EPHB2: variants seen among roughly 807,000 people sequenced by gnomAD.
EPHB2 encodes the protein ephrin type-B receptor 2.
Under a neutral mutation model 96.4 loss-of-function variants are expected in EPHB2, and 18 were observed. That is an observed-to-expected ratio of 0.19 (90% CI 0.13 to 0.28). The LOEUF (loss-of-function observed/expected upper bound fraction) is 0.28, where lower values mean the gene tolerates loss of function less well. Ranked by LOEUF, EPHB2 falls within the 10% of genes least tolerant of loss-of-function variation. EPHB2 has a pLI of 1.00. For synonymous variants in EPHB2, 506 were observed against 534.1 expected (o/e 0.95, Z 0.72); for missense variants, 989 against 1,355.4 (o/e 0.73, Z 4.25).
rs957684961 is a variant in EPHB2 at position 22,896,603 on chromosome 1, G to A, written c.1765+125G>A. ...GGCAGACAATGTCAAGTGGTTGCCT[G>A]GTTGCACTAAGCTCACTCTCACCTC... On this transcript the variant is annotated intron_variant, in intron 9 of 15. Transcript: ENST00000374630. The A allele has an allele frequency of 3.1e-6, 4 of 1,307,444 alleles. No individual in the cohort carries two copies. The African/African-American group carries it at 4.3e-5, about 14-fold the overall frequency. 81.0% of individuals were successfully genotyped at this position (1,307,444 alleles called of 1,614,324 possible). A position where few individuals can be genotyped will look rare whatever the true frequency, so the allele number is the denominator to read the frequency against.
chr1:22,761,929 G>A (rs773067447), intron 1 of EPHB2, among the ~76,000 whole-genome samples: 62 of 152,356 alleles, frequency 4.1e-4, no homozygotes, highest in Non-Finnish European at 8.4e-4. Context: ...TGTCTGCTGC[G>A]CATCTCTGCC....
chr1:22,812,961 G>C lies in EPHB2; in HGVS notation c.811+27885G>C, dbSNP rs541070045. ...CCACAGGAGCCTAAATCTGTGTCTT[G>C]TATTTTTCTTCTGTCACCCACAAGC... On this transcript the variant is annotated intron_variant, in intron 3 of 15. Coordinates refer to ENST00000374630, the MANE Select transcript of EPHB2 (RefSeq NM_017449.5). Among the ~76,000 whole-genome samples the C allele has an allele frequency of 2.0e-5, 3 of 152,268 alleles. No homozygotes were observed. In the South Asian group the frequency reaches 6.2e-4, roughly 32 times the overall value.
chr1:22,717,845 G>A (rs1387141461), intron 1 of EPHB2, among the ~76,000 whole-genome samples: 1 of 152,148 alleles, frequency 6.6e-6, no homozygotes, highest in Non-Finnish European at 1.5e-5. Flanking sequence ...AAATGTGTGT[G>A]GAGTCAGACT....
At position 22,801,473 on chromosome 1, in the gene EPHB2, T is replaced by A. The variant is rs186691856; in HGVS notation, c.811+16397T>A. 6.6e-4 allele frequency among the ~76,000 whole-genome samples: 100 copies of A among 151,946 alleles called. 1 individual carries two copies. Among genetic ancestry groups the A allele is most frequent in the Middle Eastern group, 3.4e-3 (1 of 294 alleles). ...GCCCCAGAGAACTGCAAGGGCTTTG[T>A]CGAACTTCACCGAGAGCAGGTGGCA... On this transcript the variant is annotated intron_variant, in intron 3 of 15. Transcript: ENST00000374630.
intron 3 of EPHB2, among the ~76,000 whole-genome samples, chr1:22,859,172 C>T (rs1480390735): frequency 6.6e-6 from 1 of 151,852 alleles, no homozygotes; most frequent in Non-Finnish European, 1.5e-5. Context: ...CCAGGGGGCT[C>T]AGGGAAGACT....
intron 3 of EPHB2, among the ~76,000 whole-genome samples, chr1:22,819,558 C>T (rs900086744): frequency 6.6e-6 from 1 of 152,266 alleles, no homozygotes; most frequent in South Asian, 2.1e-4. Context: ...CCCAAGGGCA[C>T]TCAACCCCAG....
chr1:22,891,776 T>A lies in EPHB2; in HGVS notation c.1429-1108T>A, dbSNP rs547710153. On this transcript the variant is annotated intron_variant, in intron 6 of 15. Transcript: ENST00000374630. ...AGATAGAGGTGGCTCCATGCAAGAG[T>A]CTGGTTTCTTTTTTTTTTGTTGTTG... 2.2e-5 allele frequency among the ~76,000 whole-genome samples: 3 copies of A among 136,898 alleles called. No homozygotes were observed. The East Asian group carries it at 6.2e-4, about 28-fold the overall frequency. 89.8% of individuals were successfully genotyped at this position (136,898 alleles called of 152,430 possible).
rs1272693410 is a variant in EPHB2 at position 22,910,385 on chromosome 1, A to G, written c.2506A>G (p.Ile836Val). Reference sequence around the variant, plus strand: ...CTGCACTCCTGCATTGTCCCAGGTAATCAATGCCATTGAGCAGGACTATCG... The same window carrying G: ...CTGCACTCCTGCATTGTCCCAGGTAGTCAATGCCATTGAGCAGGACTATCG... ...PYWDMTNQDVINAIEQDYRLP... is the reference protein window; with the variant it reads ...PYWDMTNQDVVNAIEQDYRLP... The change falls in exon 14 of 16, where the codon ATC becomes GTC. Residue 836 changes from isoleucine (I) to valine (V), a missense_variant. Transcript: ENST00000374630. The G allele has an allele frequency of 6.2e-7, 1 of 1,614,146 alleles. No individual in the cohort carries two copies.
At chr1:22,857,644 A>G (rs1199431284) in intron 3 of EPHB2, among the ~76,000 whole-genome samples, 1 of 152,128 alleles carries the variant, frequency 6.6e-6, no homozygotes, top group Non-Finnish European at 1.5e-5. Flanking sequence ...CCCTGGGAAG[A>G]CCATGGGGAG....
chr1:22,853,285 G>A (rs954169203), intron 3 of EPHB2, among the ~76,000 whole-genome samples: 24 of 152,236 alleles, frequency 1.6e-4, no homozygotes, highest in Admixed American at 2.0e-4. Context: ...CTTGGGAGGC[G>A]GAGCTTGCAG....
chr1:22,810,655 T>A (rs1240569436), intron 3 of EPHB2, among the ~76,000 whole-genome samples: 1 of 152,120 alleles, frequency 6.6e-6, no homozygotes, highest in African/African-American at 2.4e-5. Flanking sequence ...GGACTTCCCA[T>A]GACAAGGGGC....
chr1:22,751,202 G>A (rs528039156), intron 1 of EPHB2, among the ~76,000 whole-genome samples: 2 of 152,320 alleles, frequency 1.3e-5, no homozygotes, highest in East Asian at 3.9e-4. Flanking sequence ...GAACAGAGAG[G>A]GGATGGGACC....
chr1:22,885,046 A>G (rs1387100757), intron 6 of EPHB2, among the ~76,000 whole-genome samples: 2 of 152,102 alleles, frequency 1.3e-5, no homozygotes, highest in African/African-American at 4.8e-5. Flanking sequence ...AAGTGGACAC[A>G]CGAGGGCCTG....
intron 3 of EPHB2, among the ~76,000 whole-genome samples, chr1:22,792,276 G>A (rs770281425): frequency 1.7e-4 from 26 of 152,088 alleles, no homozygotes; most frequent in African/African-American, 2.7e-4. Context: ...ACTGGGGAAG[G>A]GTGTGAGGGT....
intron 1 of EPHB2, among the ~76,000 whole-genome samples, chr1:22,735,787 G>A (rs942280682): frequency 6.6e-6 from 1 of 152,214 alleles, no homozygotes; most frequent in Non-Finnish European, 1.5e-5. Context: ...TTCCTATAGG[G>A]CACTTGGGAC....
At chr1:22,859,566 G>A (rs935348911) in intron 3 of EPHB2, among the ~76,000 whole-genome samples, 13 of 152,266 alleles carry the variant, frequency 8.5e-5, no homozygotes, top group African/African-American at 2.4e-4. Context: ...GAGCCAAGGC[G>A]GGTGGATCAC....
intron 14 of EPHB2, among the ~76,000 whole-genome samples, chr1:22,911,884 G>T (rs978080780): frequency 6.6e-6 from 1 of 152,126 alleles, no homozygotes; most frequent in Non-Finnish European, 1.5e-5. Context: ...ATCCCTCTGA[G>T]CTTTAAACCT....
At chr1:22,901,841 G>GTGTGTGTA (rs1639762636) in intron 9 of EPHB2, among the ~76,000 whole-genome samples, 1 of 151,950 alleles carries the variant, frequency 6.6e-6, no homozygotes, top group South Asian at 2.1e-4. Context: ...GTGTGTGTGT[G>GTGTGTGTA]TGTGTAACAG....
intron 1 of EPHB2, among the ~76,000 whole-genome samples, chr1:22,713,175 C>A (rs990819002): frequency 2.6e-5 from 4 of 152,080 alleles, no homozygotes; most frequent in African/African-American, 7.2e-5. Flanking sequence ...GCAGCAGGCA[C>A]CCCAATGCTT....
Sources: gnomAD v4.1 joint callset for allele counts (sites outside exome capture counted in the v4.1 genomes callset) on GRCh38, gnomAD v4.1.1 for gene constraint, MANE v1.5 for transcripts, NCBI Gene and HGNC (gene_info 2026-07-23, HGNC 2026-07-21) for gene names.